PLCD4: variants seen among roughly 807,000 people sequenced by gnomAD.
The protein encoded by PLCD4 is 1-phosphatidylinositol 4,5-bisphosphate phosphodiesterase delta-4.
PLCD4 carries 63 observed loss-of-function variants against 90.2 expected under a neutral mutation model. The observed-to-expected ratio is 0.70, with a 90% confidence interval of 0.57 to 0.86. PLCD4 has a LOEUF of 0.86. Among genes scored for constraint, PLCD4 ranks in the 40% least tolerant of loss-of-function variants. The pLI, the probability that PLCD4 is intolerant of heterozygous loss-of-function variation, is 0.00. For missense variants in PLCD4, 830 were observed against 956.3 expected (o/e 0.87, Z 1.74); for synonymous variants, 294 against 356.5 (o/e 0.82, Z 1.97).
At chr2:218,613,315 C>T (rs1403262928) in intron 1 of PLCD4, among the ~76,000 whole-genome samples, 1 of 146,480 alleles carries the variant, frequency 6.8e-6, no homozygotes, top group Non-Finnish European at 1.5e-5. Context: ...CGCTTGAACC[C>T]GGGAGGTAGA....
rs1241764745 is a variant in PLCD4, at chr2:218,615,670, T to A, written c.-33-37T>A. 1.0e-5 allele frequency: 15 copies of A among 1,504,500 alleles called. No individual in the cohort carries two copies. The South Asian group carries it at 1.9e-4, about 19-fold the overall frequency. The allele number at this position is 1,504,500 out of a possible 1,614,324, so 93.2% of individuals were successfully genotyped here. A position where few individuals can be genotyped will look rare whatever the true frequency, so the allele number is the denominator to read the frequency against. ...AATCAGCTACAGACTATCTTCAAGA[T>A]TCACCCAGAGCCCTTTGCTCTTCCT... On this transcript the variant is annotated intron_variant, in intron 1 of 15. Coordinates refer to ENST00000450993, the MANE Select transcript of PLCD4 (RefSeq NM_032726.4).
At chr2:218,611,771 G>A (rs1009649344) in intron 1 of PLCD4, among the ~76,000 whole-genome samples, 5 of 151,680 alleles carry the variant, frequency 3.3e-5, no homozygotes, top group African/African-American at 4.8e-5. Context: ...GCTACTTTTC[G>A]TATTTTTAAT....
At chr2:218,618,521 C>T in intron 3 of PLCD4, 58 bp from the exon 4 acceptor site, 1 of 1,465,776 alleles carries the variant, frequency 6.8e-7, no homozygotes, top group African/African-American at 1.4e-5. Context: ...TCACTCTTAG[C>T]CCCTGCTATT....
Position 218,634,347 on chromosome 2 carries a change from A to G in PLCD4, c.1724-111A>G. ...CTAGGCTGAGAAATGCTATCAGTGGATATTACCAGCAGGTACCGTGCACCC... is the reference window on the plus strand; with the variant it reads ...CTAGGCTGAGAAATGCTATCAGTGGGTATTACCAGCAGGTACCGTGCACCC... On this transcript the variant is annotated intron_variant, in intron 12 of 15. Transcript: ENST00000450993. The surrounding 1 kb of genome is among the most constrained non-coding windows in gnomAD (Gnocchi z 4.0). 1.9e-6 allele frequency: 3 copies of G among 1,573,160 alleles called. No individual in the cohort carries two copies. Among genetic ancestry groups the G allele is most frequent in the South Asian group, 1.2e-5 (1 of 85,246 alleles).
intron 1 of PLCD4, among the ~76,000 whole-genome samples, chr2:218,611,999 G>T (rs1000573088): frequency 6.6e-6 from 1 of 151,752 alleles, no homozygotes; most frequent in African/African-American, 2.4e-5. Context: ...TGCGATCTTG[G>T]CTCATTGCAA....
In PLCD4 at chr2:218,618,763, G is replaced by A; in HGVS notation, c.366G>A (p.Leu122=). The A allele has an allele frequency of 1.2e-6, 2 of 1,605,490 alleles. No individual in the cohort carries two copies. The highest frequency in any genetic ancestry group is 2.2e-5 in the East Asian group (1 of 44,576). ...TATGGATGCGAGGGCTCCAGCTGTTGGTGGATCTTGTCACCAGCATGGACC... is the reference window on the plus strand; with the variant it reads ...TATGGATGCGAGGGCTCCAGCTGTTAGTGGATCTTGTCACCAGCATGGACC... The part of the protein sequence containing the change: ...AQIWMRGLQL[L]VDLVTSMDHQ... The change falls in exon 4 of 16, where the codon TTG becomes TTA. Residue 122 remains leucine, a synonymous_variant. Transcript: ENST00000450993.
At chr2:218,628,284 G>C in intron 7 of PLCD4, 54 bp downstream of exon 7, 1 of 1,548,116 alleles carries the variant, frequency 6.5e-7, no homozygotes, top group Non-Finnish European at 8.9e-7. Context: ...ATGTAGAAAA[G>C]TGAGGGGAGC....
rs1442690529 is a variant in PLCD4, at chr2:218,628,150, C to A, written c.894C>A (p.His298Gln). The A allele has an allele frequency of 6.2e-7, 1 of 1,614,086 alleles. No individual in the cohort carries two copies. Among genetic ancestry groups the A allele is most frequent in the Non-Finnish European group, 8.5e-7 (1 of 1,179,906 alleles). Residue 298 changes from histidine to glutamine, a missense_variant, in exon 7 of 16, where the codon CAC becomes CAA. By Grantham distance (24) the His-to-Gln change is conservative. Coordinates refer to ENST00000450993, the MANE Select transcript of PLCD4 (RefSeq NM_032726.4). Reference sequence around the variant, plus strand: ...AGGATATGACTCAACCCCTGAACCACTACTTCATCTGCTCTTCTCATAACA... The same window carrying A: ...AGGATATGACTCAACCCCTGAACCAATACTTCATCTGCTCTTCTCATAACA... The part of the protein sequence containing the change: ...IYQDMTQPLN[H>Q]YFICSSHNTY...
Position 218,636,873 on chromosome 2 carries a change from C to A in PLCD4, c.*296C>A. The A allele has an allele frequency of 2.0e-6, 1 of 494,712 alleles. No individual in the cohort carries two copies. Among genetic ancestry groups the A allele is most frequent in the Non-Finnish European group, 4.0e-6 (1 of 252,774 alleles). 30.6% of individuals were successfully genotyped at this position (494,712 alleles called of 1,614,324 possible). On this transcript the variant is annotated 3_prime_UTR_variant, in exon 16 of 16. Coordinates refer to ENST00000450993, the MANE Select transcript of PLCD4 (RefSeq NM_032726.4). Reference sequence around the variant, plus strand: ...CTCTTGCTGTAGGCTCAATCCCATACCGACATCTACAACTAATCTTTCCCA... The same window carrying A: ...CTCTTGCTGTAGGCTCAATCCCATAACGACATCTACAACTAATCTTTCCCA...
At chr2:218,629,429 G>T in intron 7 of PLCD4, 90 bp from the exon 8 acceptor site, 1 of 1,475,020 alleles carries the variant, frequency 6.8e-7, no homozygotes, top group Non-Finnish European at 9.2e-7. Flanking sequence ...GTGCTGGTGA[G>T]CACTGTTCTC....
At chr2:218,618,028 A>G (rs1213585775) in intron 3 of PLCD4, among the ~76,000 whole-genome samples, 1 of 152,166 alleles carries the variant, frequency 6.6e-6, no homozygotes, top group Non-Finnish European at 1.5e-5. Flanking sequence ...TGGAGCTTGC[A>G]GTGAGCCGAG....
At position 218,630,821 on chromosome 2, in the gene PLCD4, C is replaced by A; in HGVS notation, c.1272+19C>A. On this transcript the variant is annotated intron_variant, in intron 9 of 15. Transcript: ENST00000450993. ...GCCTGAGGTAGGGACACTGTTCCTC[C>A]AGCCCAGGCTCTGCTGTGGCTTCTG... 6.3e-7 allele frequency: 1 copy of A among 1,598,114 alleles called. No individual in the cohort carries two copies. The highest frequency in any genetic ancestry group is 1.7e-5 in the Admixed American group (1 of 58,666).
At chr2:218,621,749 G>C (rs1368693312) in intron 5 of PLCD4, 150 bp downstream of exon 5, 1 of 1,069,888 alleles carries the variant, frequency 9.3e-7, no homozygotes, top group Non-Finnish European at 1.4e-6. Flanking sequence ...TCAATGGGAA[G>C]TATAGGGGAT....
At position 218,618,089 on chromosome 2, in the gene PLCD4, A is replaced by AAAACAAAC. The variant is rs61169386; in HGVS notation, c.182-465_182-458dup. ...GCAACAGAGCGAGACTCCATGTCAAAAAACAAACAAACAAACAAACAAACA... is the reference window on the plus strand; with the variant it reads ...GCAACAGAGCGAGACTCCATGTCAAAAAACAAACAAACAAACAAACAAACAAACAAACA... On this transcript the variant is annotated intron_variant, in intron 3 of 15. Transcript: ENST00000450993. Among the ~76,000 whole-genome samples the AAAACAAAC allele has an allele frequency of 3.1e-3, 470 of 151,234 alleles. 3 individuals carry two copies. The highest frequency in any genetic ancestry group is 0.011 in the African/African-American group (445 of 41,136).
Position 218,635,925 on chromosome 2 carries a change from A to T in PLCD4, c.2026A>T (p.Asn676Tyr). 2 of 1,614,004 alleles carry T rather than the reference A, an allele frequency of 1.2e-6. 1 individual carries two copies. The highest frequency in any genetic ancestry group is 2.2e-5 in the South Asian group (2 of 91,082). ...ACGGCAGGAGACCAACTATGTGGAG[A>T]ACAATGGTGAGAAACTGGCAGTGCT... ...TARQETNYVE[N>Y]NGFNPYWGQT... is the part of the protein sequence containing the mutation. Residue 676 changes from asparagine (N) to tyrosine (Y), a missense_variant, in exon 14 of 16, where the codon AAC becomes TAC. Physicochemically the swap from Asn to Tyr is moderately radical, Grantham distance 143 (BLOSUM62 -2). Transcript: ENST00000450993.
chr2:218,610,428 A>G (rs1003705222), intron 1 of PLCD4, among the ~76,000 whole-genome samples: 1 of 152,024 alleles, frequency 6.6e-6, no homozygotes, highest in Non-Finnish European at 1.5e-5. Flanking sequence ...GAATCACTTG[A>G]ACCCAGGAGG....
rs79303323 is a variant in PLCD4 at position 218,622,567 on chromosome 2, T to A, written c.541-80T>A. ...CACCTACTATGTACCCAGAAAAATTTAAAAAAAAATTTTTTTAATTAAAAA... is the reference window on the plus strand; with the variant it reads ...CACCTACTATGTACCCAGAAAAATTAAAAAAAAAATTTTTTTAATTAAAAA... On this transcript the variant is annotated intron_variant, in intron 5 of 15. Coordinates refer to ENST00000450993, the MANE Select transcript of PLCD4 (RefSeq NM_032726.4). 6,942 of 1,033,390 alleles carry A rather than the reference T, an allele frequency of 6.7e-3. 266 individuals carry two copies. In the African/African-American group the frequency reaches 0.092, roughly 14 times the overall value. 64.0% of individuals were successfully genotyped at this position (1,033,390 alleles called of 1,614,324 possible). A position where few individuals can be genotyped will look rare whatever the true frequency, so the allele number is the denominator to read the frequency against.
At position 218,621,427 on chromosome 2, in the gene PLCD4, CACAA is replaced by C. The variant is rs144457458; in HGVS notation, c.411-39_411-36del. ...ACGAAGGTGCACACACAACTGCACA[CACAA>C]ACAGATACATTAGTGCTTTTGCCTT... On this transcript the variant is annotated intron_variant, in intron 4 of 15. Coordinates refer to ENST00000450993, the MANE Select transcript of PLCD4 (RefSeq NM_032726.4). The C allele has an allele frequency of 2.9e-3, 4,618 of 1,611,304 alleles. 103 individuals carry two copies. The African/African-American group carries it at 0.055, about 19-fold the overall frequency.
rs1246638473 is a variant in PLCD4 at position 218,636,989 on chromosome 2, C to T, written c.*412C>T. Reference sequence around the variant, plus strand: ...GAAGCATCATCCCCTCCATCCCCAACTTCCTCAAAGCCCAAAGCCAAGGGA... The same window carrying T: ...GAAGCATCATCCCCTCCATCCCCAATTTCCTCAAAGCCCAAAGCCAAGGGA... On this transcript the variant is annotated 3_prime_UTR_variant, in exon 16 of 16. Coordinates refer to ENST00000450993, the MANE Select transcript of PLCD4 (RefSeq NM_032726.4). 2.2e-6 allele frequency: 1 copy of T among 449,258 alleles called. No individual in the cohort carries two copies. The highest frequency in any genetic ancestry group is 4.5e-6 in the Non-Finnish European group (1 of 224,064). 27.8% of individuals were successfully genotyped at this position (449,258 alleles called of 1,614,324 possible).
Sources: gnomAD v4.1 joint callset for allele counts (sites outside exome capture counted in the v4.1 genomes callset) on GRCh38, gnomAD v4.1.1 for gene constraint, Gnocchi (gnomAD v3.1) non-coding constraint, MANE v1.5 for transcripts, NCBI Gene and HGNC (gene_info 2026-07-23, HGNC 2026-07-21) for gene names.